The following SNHG17 variants were observed in gnomAD, a reference collection of about 807,000 sequenced individuals.
The protein encoded by SNHG17 is small nucleolar RNA host gene 17 (non-protein coding).
rs2084303459 is a variant in SNHG17 at position 38,429,456 on chromosome 20, T to A, written n.380+1585A>T. On this transcript the variant is annotated intron_variant and non_coding_transcript_variant, in intron 3 of 8. Coordinates refer to ENST00000654008, the Ensembl canonical transcript of SNHG17. ...CTGGATAAGGACGTGGAAGGAGAGG[T>A]GTGGAGGCAGAGAAAGCTTCCGGGA... The A allele has an allele frequency of 1.7e-5, 4 of 241,200 alleles. No homozygotes were observed. In the Admixed American group the frequency reaches 2.5e-4, roughly 15 times the overall value. The allele number at this position is 241,200 out of a possible 1,614,324, so 14.9% of individuals were successfully genotyped here. A position where few individuals can be genotyped will look rare whatever the true frequency, so the allele number is the denominator to read the frequency against.
chr20:38,422,749 A>ACG (rs1313104124), intron 5 of SNHG17, among the ~76,000 whole-genome samples: 3 of 152,166 alleles, frequency 2.0e-5, no homozygotes, highest in Admixed American at 2.0e-4. Context: ...AATGTGGCAT[A>ACG]CGCACACACA....
intron 6 of SNHG17, chr20:38,421,295 A>G (rs1435047028): frequency 6.6e-6 from 1 of 152,208 alleles, no homozygotes; most frequent in Non-Finnish European, 1.5e-5. Flanking sequence ...GCAGTTCACA[A>G]TCGGGGCAAA....
chr20:38,430,169 A>C (rs1001126007), intron 3 of SNHG17, among the ~76,000 whole-genome samples: 4 of 151,980 alleles, frequency 2.6e-5, no homozygotes, highest in Non-Finnish European at 5.9e-5. Context: ...ATACAAAAAA[A>C]CATTAGCCAG....
In SNHG17 at chr20:38,434,813, G is replaced by A. The variant is rs1226821831; in HGVS notation, n.186-187C>T. 10 of 980,772 alleles carry A rather than the reference G, an allele frequency of 1.0e-5. No individual in the cohort carries two copies. The Admixed American group carries it at 6.1e-4, about 60-fold the overall frequency. The allele number at this position is 980,772 out of a possible 1,614,324, so 60.8% of individuals were successfully genotyped here. A position where few individuals can be genotyped will look rare whatever the true frequency, so the allele number is the denominator to read the frequency against. ...GGGAAAACGAGTTAACGGTCTCAAG[G>A]ACGTGGCACAATGACTGGCACTTTG... On this transcript the variant is annotated intron_variant and non_coding_transcript_variant, in intron 1 of 8. Transcript: ENST00000654008.
At chr20:38,435,297 T>TGGCGAAGGACGGCGAGGGAC (rs1568868287) in exon 1 of SNHG17, 23 of 1,231,614 alleles carry the variant, frequency 1.9e-5, no homozygotes, top group African/African-American at 4.7e-5. Flanking sequence ...TGGCGTGCGA[T>TGGCGAAGGACGGCGAGGGAC]GGCGAAGGAC....
intron 3 of SNHG17, chr20:38,428,027 G>C (rs1467308825): frequency 6.6e-6 from 1 of 152,268 alleles, no homozygotes; most frequent in Non-Finnish European, 1.5e-5. Flanking sequence ...GAGAGAGGGA[G>C]GGAGCATGAG....
exon 2 of SNHG17, chr20:38,434,607 T>C (rs185815833): frequency 3.7e-4 from 59 of 157,688 alleles, no homozygotes; most frequent in Middle Eastern, 3.3e-3. Flanking sequence ...CCGTCCGAGG[T>C]GCAGCACAGC....
chr20:38,426,993 C>A (rs569386247), intron 3 of SNHG17, among the ~76,000 whole-genome samples: 1 of 132,896 alleles, frequency 7.5e-6, no homozygotes, highest in Admixed American at 7.4e-5. Context: ...CCAAGTTACA[C>A]ATACACACAC....
intron 3 of SNHG17, chr20:38,429,852 C>T: frequency 3.9e-6 from 2 of 510,038 alleles, no homozygotes; most frequent in Non-Finnish European, 3.9e-6. Flanking sequence ...TGCTGGCATT[C>T]CGGGCAATGG....
At chr20:38,424,002 T>A (rs918238328) in intron 5 of SNHG17, among the ~76,000 whole-genome samples, 1 of 151,954 alleles carries the variant, frequency 6.6e-6, no homozygotes, top group African/African-American at 2.4e-5. Context: ...TGAAACCCCA[T>A]CTCTACTAAA....
intron 3 of SNHG17, chr20:38,430,976 C>G (rs1275566583): frequency 6.6e-6 from 1 of 152,662 alleles, no homozygotes; most frequent in Non-Finnish European, 1.5e-5. Flanking sequence ...CAGCACCCAA[C>G]CACCTCTGGC....
chr20:38,435,146 T>C (rs2122741717), intron 1 of SNHG17: 2 of 1,232,288 alleles, frequency 1.6e-6, no homozygotes, highest in Admixed American at 4.2e-5. Flanking sequence ...GGGCCTCAGT[T>C]TCCCCCGATG....
intron 2 of SNHG17, chr20:38,432,294 T>A: frequency 1.2e-5 from 5 of 410,388 alleles, no homozygotes; most frequent in Non-Finnish European, 1.6e-5. Flanking sequence ...CTTATGCACA[T>A]ATTGTTGAAT....
chr20:38,425,025 C>G (rs1041503429), intron 5 of SNHG17: 36 of 319,148 alleles, frequency 1.1e-4, no homozygotes, highest in African/African-American at 4.3e-4. Flanking sequence ...TCCAGCCCCC[C>G]ACCACTAGAC....
chr20:38,431,620 T>A (rs2084343489), intron 2 of SNHG17, among the ~76,000 whole-genome samples: 1 of 152,106 alleles, frequency 6.6e-6, no homozygotes, highest in Non-Finnish European at 1.5e-5. Context: ...GACGGTGTGA[T>A]CCTAAGAAAA....
intron 5 of SNHG17, among the ~76,000 whole-genome samples, chr20:38,424,351 A>G (rs1178069846): frequency 6.6e-6 from 1 of 151,900 alleles, no homozygotes; most frequent in Non-Finnish European, 1.5e-5. Context: ...GACTATACCT[A>G]TAGCATATTG....
intron 6 of SNHG17, chr20:38,421,311 A>G (rs1358645959): frequency 2.0e-5 from 3 of 152,240 alleles, no homozygotes; most frequent in Non-Finnish European, 2.9e-5. Context: ...GCAAATGACC[A>G]GCTAGAGTAA....
chr20:38,429,442 C>T (rs1301693612), intron 3 of SNHG17: 5 of 238,922 alleles, frequency 2.1e-5, no homozygotes, highest in Middle Eastern at 1.3e-3. Flanking sequence ...TGGATAAGGA[C>T]GTGGAAGGAG....
At chr20:38,421,763 T>C (rs1256877969) in intron 6 of SNHG17, 1 of 152,362 alleles carries the variant, frequency 6.6e-6, no homozygotes, top group Non-Finnish European at 1.5e-5. Flanking sequence ...ATGATCACTT[T>C]TGGATACAAG....
Sources: gnomAD v4.1 joint callset for allele counts (sites outside exome capture counted in the v4.1 genomes callset) on GRCh38, gnomAD v4.1.1 for gene constraint, MANE v1.5 for transcripts, NCBI Gene and HGNC (gene_info 2026-07-23, HGNC 2026-07-21) for gene names.